ARFIP1: variants seen among roughly 807,000 people sequenced by gnomAD.
ARFIP1 encodes the protein arfaptin-1.
A neutral mutation model predicts 42.5 loss-of-function variants in ARFIP1; 24 were observed. The ratio of observed to expected loss-of-function variants is 0.57; its 90% CI spans 0.41 to 0.80. The LOEUF is 0.80. ARFIP1 is among the 30% of genes least tolerant of loss of function. The pLI is 0.00. For missense variants in ARFIP1, 354 were observed against 434.0 expected (o/e 0.82, Z 1.64); for synonymous variants, 141 against 153.7 (o/e 0.92, Z 0.61).
At chr4:152,882,975 A>AT (rs1226814743) in intron 7 of ARFIP1, 95 bp downstream of exon 7, 19 of 1,313,122 alleles carry the variant, frequency 1.4e-5, no homozygotes, top group Non-Finnish European at 1.9e-5. Context: ...AACTCTGGCC[A>AT]ATATGGGCAG....
intron 8 of ARFIP1, among the ~76,000 whole-genome samples, chr4:152,900,777 G>C (rs1737759754): frequency 6.6e-6 from 1 of 152,162 alleles, no homozygotes. Context: ...GTAAAGAAAG[G>C]AGTTGATACC....
chr4:152,786,221 C>A (rs998863313), intron 1 of ARFIP1, among the ~76,000 whole-genome samples: 1 of 152,194 alleles, frequency 6.6e-6, no homozygotes, highest in Admixed American at 6.5e-5. Context: ...TGAGTGTTTT[C>A]TGTCTGCTTT....
At chr4:152,818,096 T>G (rs1390391592) in intron 1 of ARFIP1, among the ~76,000 whole-genome samples, 1 of 152,230 alleles carries the variant, frequency 6.6e-6, no homozygotes, top group African/African-American at 2.4e-5. Context: ...GATGGCAGAC[T>G]GGAGACATTG....
At chr4:152,889,838 A>AC (rs1561173867) in intron 8 of ARFIP1, among the ~76,000 whole-genome samples, 1 of 108,736 alleles carries the variant, frequency 9.2e-6, no homozygotes, top group African/African-American at 3.8e-5. Context: ...ACTATATACT[A>AC]TATATATACT....
At chr4:152,842,074 C>T (rs947365791) in intron 2 of ARFIP1, among the ~76,000 whole-genome samples, 5 of 152,088 alleles carry the variant, frequency 3.3e-5, no homozygotes, top group Admixed American at 6.6e-5. Context: ...GGAAGGTGAC[C>T]GCGTCTACCT....
At chr4:152,868,814 A>T (rs1734624767) in intron 3 of ARFIP1, among the ~76,000 whole-genome samples, 1 of 152,164 alleles carries the variant, frequency 6.6e-6, no homozygotes, top group African/African-American at 2.4e-5. Flanking sequence ...TAACCTATTA[A>T]AATGCCTTCC....
chr4:152,782,223 GGTGTGTGTGT>G lies in ARFIP1; in HGVS notation c.-10+2024_-10+2033del, dbSNP rs71598214. ...GTTGAAGTTAGTGAAAACAGGTAGG[GGTGTGTGTGT>G]GTGTGTGTGTGTGTGTGTGTGTGTG... is the stretch of plus-strand genomic sequence containing the variant. On this transcript the variant is annotated intron_variant, in intron 1 of 8. Transcript: ENST00000353617. 3.1e-4 allele frequency among the ~76,000 whole-genome samples: 46 copies of G among 148,668 alleles called. 1 individual carries two copies. In the South Asian group the frequency reaches 4.0e-3, roughly 13 times the overall value.
intron 1 of ARFIP1, among the ~76,000 whole-genome samples, chr4:152,799,971 GTT>G (rs1163972156): frequency 1.3e-5 from 2 of 152,130 alleles, no homozygotes; most frequent in African/African-American, 2.4e-5. Context: ...GCAATTGATT[GTT>G]CATACTTGTC....
chr4:152,880,944 A>C lies in ARFIP1; in HGVS notation c.412-19A>C. The C allele has an allele frequency of 6.3e-7, 1 of 1,582,732 alleles. No individual in the cohort carries two copies. The highest frequency in any genetic ancestry group is 8.6e-7 in the Non-Finnish European group (1 of 1,156,870). Reference sequence around the variant, plus strand: ...GTTTTGTTTTTTCTTTCTAAACAAAATGCATCTTCCACTTTTAGTGTACTC... The same window carrying C: ...GTTTTGTTTTTTCTTTCTAAACAAACTGCATCTTCCACTTTTAGTGTACTC... On this transcript the variant is annotated intron_variant, in intron 5 of 8. Coordinates refer to ENST00000353617, the MANE Select transcript of ARFIP1 (RefSeq NM_001025595.3).
intron 3 of ARFIP1, among the ~76,000 whole-genome samples, chr4:152,869,177 A>C (rs1380567987): frequency 6.6e-6 from 1 of 152,200 alleles, no homozygotes; most frequent in Non-Finnish European, 1.5e-5. Flanking sequence ...AATTTAGTAC[A>C]TCTGGAATAT....
At chr4:152,885,598 G>C (rs915728485) in intron 7 of ARFIP1, among the ~76,000 whole-genome samples, 4 of 151,896 alleles carry the variant, frequency 2.6e-5, no homozygotes, top group Non-Finnish European at 5.9e-5. Flanking sequence ...CACTGTTAGA[G>C]AAGCTATTAT....
chr4:152,864,379 C>T (rs1421208409), intron 3 of ARFIP1, among the ~76,000 whole-genome samples: 1 of 152,180 alleles, frequency 6.6e-6, no homozygotes, highest in Non-Finnish European at 1.5e-5. Flanking sequence ...TACATAGTGA[C>T]ACTCATGGCT....
At chr4:152,830,379 T>C (rs1288198865) in intron 2 of ARFIP1, among the ~76,000 whole-genome samples, 4 of 152,186 alleles carry the variant, frequency 2.6e-5, no homozygotes, top group Non-Finnish European at 5.9e-5. Context: ...GATATTAATA[T>C]TAAATGAGAT....
At chr4:152,893,433 A>C (rs1045879571) in intron 8 of ARFIP1, among the ~76,000 whole-genome samples, 1 of 152,046 alleles carries the variant, frequency 6.6e-6, no homozygotes, top group African/African-American at 2.4e-5. Flanking sequence ...ATAGCTTTTT[A>C]TGTGGCTTGG....
At chr4:152,830,773 T>C (rs1731193114) in intron 2 of ARFIP1, among the ~76,000 whole-genome samples, 2 of 152,202 alleles carry the variant, frequency 1.3e-5, no homozygotes, top group South Asian at 4.1e-4. Flanking sequence ...CCTGCAGTTA[T>C]GACAAGCAGA....
intron 3 of ARFIP1, among the ~76,000 whole-genome samples, chr4:152,865,488 G>A (rs959575569): frequency 6.6e-6 from 1 of 152,230 alleles, no homozygotes; most frequent in Admixed American, 6.5e-5. Flanking sequence ...TTAAAGAACA[G>A]TTTAGATTTT....
chr4:152,842,498 A>G (rs564184325), intron 2 of ARFIP1, among the ~76,000 whole-genome samples: 1 of 152,278 alleles, frequency 6.6e-6, no homozygotes, highest in South Asian at 2.1e-4. Flanking sequence ...TATTCCTCTG[A>G]ATATGTTTTC....
At chr4:152,814,097 C>CTTTTTTTTTTT (rs67593845) in intron 1 of ARFIP1, among the ~76,000 whole-genome samples, 3 of 110,884 alleles carry the variant, frequency 2.7e-5, no homozygotes, top group Non-Finnish European at 3.8e-5. Flanking sequence ...TCTTCTTCTT[C>CTTTTTTTTTTT]TTTTTTTTTT....
chr4:152,838,658 G>C (rs28895881), intron 2 of ARFIP1, among the ~76,000 whole-genome samples: 19,511 of 152,078 alleles, frequency 0.13, 1,305 homozygotes, highest in Middle Eastern at 0.18. Context: ...TGAATCCTTT[G>C]ATCAGTTCTA....
Sources: allele counts gnomAD v4.1 joint callset (sites outside exome capture counted in the v4.1 genomes callset), GRCh38; gene constraint gnomAD v4.1.1; transcripts MANE v1.5; gene names NCBI Gene and HGNC (gene_info 2026-07-23, HGNC 2026-07-21).